Variants in NIPA2 observed in about 807,000 individuals in gnomAD.
NIPA2 encodes magnesium transporter NIPA2.
In NIPA2, 11 loss-of-function variants were observed where a neutral mutation model predicts 29.7. The observed-to-expected ratio is 0.37, with a 90% CI of 0.23 to 0.61. NIPA2 has a LOEUF of 0.61. Ranked by LOEUF, NIPA2 falls within the 20% of genes least tolerant of loss-of-function variation. The probability of loss-of-function intolerance (pLI) is 0.66; values close to 1 mark genes in which losing one functional copy is unlikely to be tolerated. For missense variants in NIPA2, 426 were observed against 437.9 expected (o/e 0.97, Z 0.24); for synonymous variants, 183 against 161.9 (o/e 1.13, Z -0.99).
At chr15:22,844,999 T>G (rs910760633) in intron 2 of NIPA2, 147 bp from the exon 3 acceptor site, 3 of 152,104 alleles carry the variant, frequency 2.0e-5, no homozygotes, top group African/African-American at 7.2e-5. Flanking sequence ...TACTCCCGAG[T>G]CCCCCTAAGT....
chr15:22,846,815 C>A (rs1898777937), intron 3 of NIPA2, among the ~76,000 whole-genome samples: 1 of 70,702 alleles, frequency 1.4e-5, no homozygotes, highest in South Asian at 5.8e-4. Flanking sequence ...GACCCTGTCT[C>A]CAAAATAATA....
intron 6 of NIPA2, among the ~76,000 whole-genome samples, chr15:22,859,095 A>G (rs2058421900): frequency 6.6e-6 from 1 of 152,034 alleles, no homozygotes; most frequent in African/African-American, 2.4e-5. Context: ...AATGGCTTGA[A>G]CGCAGGAAGA....
chr15:22,866,369 C>T lies in NIPA2; in HGVS notation c.605C>T (p.Ala202Val), dbSNP rs1287177542. 1 of 1,614,038 alleles carries T rather than the reference C, an allele frequency of 6.2e-7. No individual in the cohort carries two copies. The highest frequency in any genetic ancestry group is 8.5e-7 in the Non-Finnish European group (1 of 1,179,936). The part of the protein sequence containing the change: ...SVSCVKGLGI[A>V]IKELFAGKPV... ...TCCTGTGTGAAGGGCCTGGGCATTGCTATCAAGGAGCTGTTTGCAGGGAAG... is the reference window on the plus strand; with the variant it reads ...TCCTGTGTGAAGGGCCTGGGCATTGTTATCAAGGAGCTGTTTGCAGGGAAG... The change falls in exon 8 of 8, where the codon GCT becomes GTT. Residue 202 changes from alanine to valine, a missense_variant. Ala to Val is a moderately conservative substitution (Grantham distance 64). Around this residue, in one of 3 missense-constraint regions of NIPA2, gnomAD observed 357 missense variants for 339.8 expected, o/e 1.05. Transcript: ENST00000337451.
chr15:22,866,754 T>A lies in NIPA2; in HGVS notation c.990T>A (p.Val330=). 3 of 1,613,822 alleles carry A rather than the reference T, an allele frequency of 1.9e-6. No homozygotes were observed. The highest frequency in any genetic ancestry group is 2.5e-6 in the Non-Finnish European group (3 of 1,179,784). Reference sequence around the variant, plus strand: ...GCAATCTCTCTAATATGTATGAAGTTCTTAATAATAATGAAGAAAGCTTAA... The same window carrying A: ...GCAATCTCTCTAATATGTATGAAGTACTTAATAATAATGAAGAAAGCTTAA... ...MNGNLSNMYE[V]LNNNEESLTC... Residue 330 remains valine (V), a synonymous_variant, in exon 8 of 8, where the codon GTT becomes GTA. Transcript: ENST00000337451.
intron 7 of NIPA2, among the ~76,000 whole-genome samples, chr15:22,865,209 G>C (rs1386122596): frequency 6.6e-6 from 1 of 151,536 alleles, no homozygotes; most frequent in African/African-American, 2.4e-5. Flanking sequence ...TATTACTGCT[G>C]GGTGCGGTGG....
At chr15:22,841,783 A>G (rs1369188400) in intron 2 of NIPA2, among the ~76,000 whole-genome samples, 1 of 152,150 alleles carries the variant, frequency 6.6e-6, no homozygotes, top group Non-Finnish European at 1.5e-5. Context: ...CTGGGATTAT[A>G]GGCGTGAGCC....
At position 22,847,577 on chromosome 15, in the gene NIPA2, G is replaced by A. The variant is rs928168509; in HGVS notation, c.-94+2310G>A. Among the ~76,000 whole-genome samples the A allele has an allele frequency of 2.8e-4, 42 of 151,748 alleles. 1 individual carries two copies. The highest frequency in any genetic ancestry group is 8.7e-4 in the African/African-American group (36 of 41,278). Reference sequence around the variant, plus strand: ...CCTTCTGGCTTCAAGCAGTTCTCCTGCCTCAGCCTCCCAAGTAGCTATGAT... The same window carrying A: ...CCTTCTGGCTTCAAGCAGTTCTCCTACCTCAGCCTCCCAAGTAGCTATGAT... On this transcript the variant is annotated intron_variant, in intron 3 of 7. Coordinates refer to ENST00000337451, the MANE Select transcript of NIPA2 (RefSeq NM_030922.7).
Position 22,839,692 on chromosome 15 carries a change from A to T in NIPA2, c.-314A>T, listed in dbSNP as rs1896497118. On this transcript the variant is annotated 5_prime_UTR_variant, in exon 2 of 8. The change creates a premature stop within an existing upstream ORF in the 5' untranslated region. Transcript: ENST00000337451. Reference sequence around the variant, plus strand: ...CGGCCAGGGTTTAAGACTTTAAATGAGAATAAAGGGTGGTATTTACGAGGA... The same window carrying T: ...CGGCCAGGGTTTAAGACTTTAAATGTGAATAAAGGGTGGTATTTACGAGGA... 6.6e-6 allele frequency: 1 copy of T among 152,190 alleles called. No homozygotes were observed. Among genetic ancestry groups the T allele is most frequent in the African/African-American group, 2.4e-5 (1 of 41,436 alleles). The allele number at this position is 152,190 out of a possible 1,614,324, so 9.4% of individuals were successfully genotyped here.
At position 22,866,787 on chromosome 15, in the gene NIPA2, A is replaced by G. The variant is rs2059119499; in HGVS notation, c.1023A>G (p.Gly341=). 2 of 1,612,768 alleles carry G rather than the reference A, an allele frequency of 1.2e-6. No individual in the cohort carries two copies. Among genetic ancestry groups the G allele is most frequent in the Non-Finnish European group, 1.7e-6 (2 of 1,179,258 alleles). Residue 341 remains glycine, a synonymous_variant, in exon 8 of 8, where the codon GGA becomes GGG. Transcript: ENST00000337451. ...ATAATGAAGAAAGCTTAACCTGTGGAATCGAACAACACACTGGTGAAAATG... is the reference window on the plus strand; with the variant it reads ...ATAATGAAGAAAGCTTAACCTGTGGGATCGAACAACACACTGGTGAAAATG... ...LNNNEESLTC[G]IEQHTGENVS... is the part of the protein sequence containing the mutation.
rs1158498910 is a variant in NIPA2 at position 22,858,584 on chromosome 15, C to T, written c.241C>T (p.Pro81Ser). The change falls in exon 6 of 8, where the codon CCA (proline) becomes TCA (serine). Residue 81 changes from proline (P) to serine (S), a missense_variant. By Grantham distance (74) the Pro-to-Ser change is moderately conservative. Around this residue, in one of 3 missense-constraint regions of NIPA2, gnomAD observed 357 missense variants for 339.8 expected, o/e 1.05. Coordinates refer to ENST00000337451, the MANE Select transcript of NIPA2 (RefSeq NM_030922.7). ...VANFAAYAFA[P>S]ATLVTPLGAL... Reference sequence around the variant, plus strand: ...CAACTTCGCTGCGTATGCGTTTGCACCAGCCACTCTAGTGACTCCACTAGG... The same window carrying T: ...CAACTTCGCTGCGTATGCGTTTGCATCAGCCACTCTAGTGACTCCACTAGG... 3 of 1,609,166 alleles carry T rather than the reference C, an allele frequency of 1.9e-6. No individual in the cohort carries two copies. The highest frequency in any genetic ancestry group is 3.4e-5 in the Admixed American group (2 of 59,636).
At chr15:22,859,271 A>C (rs1251668861) in intron 6 of NIPA2, among the ~76,000 whole-genome samples, 1 of 151,588 alleles carries the variant, frequency 6.6e-6, no homozygotes, top group African/African-American at 2.4e-5. Flanking sequence ...TCTGGTTGGT[A>C]ATGAGTAGAT....
At chr15:22,855,309 C>T (rs552459290) in intron 5 of NIPA2, among the ~76,000 whole-genome samples, 94 of 151,752 alleles carry the variant, frequency 6.2e-4, no homozygotes, top group African/African-American at 2.2e-3. Flanking sequence ...CCCAGCTACT[C>T]GGGAGGCTGA....
intron 3 of NIPA2, among the ~76,000 whole-genome samples, chr15:22,845,602 G>C (rs1898401268): frequency 6.6e-6 from 1 of 152,166 alleles, no homozygotes; most frequent in South Asian, 2.1e-4. Flanking sequence ...AAATGCCTGT[G>C]GGCTGGAGTT....
intron 3 of NIPA2, among the ~76,000 whole-genome samples, chr15:22,847,801 A>G (rs189305599): frequency 6.7e-6 from 1 of 148,320 alleles, no homozygotes; most frequent in East Asian, 2.0e-4. Context: ...ATTTTATCTT[A>G]TTTTTATTTT....
chr15:22,840,283 A>G (rs1259401126), intron 2 of NIPA2, among the ~76,000 whole-genome samples: 6 of 146,924 alleles, frequency 4.1e-5, no homozygotes, highest in Admixed American at 3.5e-4. Flanking sequence ...TAAGAGCTCT[A>G]TATATAGTTT....
chr15:22,865,871 T>G (rs1249158593), intron 7 of NIPA2, among the ~76,000 whole-genome samples: 2 of 152,164 alleles, frequency 1.3e-5, no homozygotes, highest in African/African-American at 4.8e-5. Flanking sequence ...TGTTGAACAT[T>G]CAAGGCCACC....
intron 5 of NIPA2, among the ~76,000 whole-genome samples, chr15:22,858,182 A>G (rs981712917): frequency 2.6e-5 from 4 of 152,234 alleles, no homozygotes; most frequent in African/African-American, 9.6e-5. Flanking sequence ...TCACGAGGTC[A>G]GGAGATCAAG....
Position 22,866,358 on chromosome 15 carries a change from C to T in NIPA2, c.594C>T (p.Gly198=), listed in dbSNP as rs751678984. The T allele has an allele frequency of 1.2e-6, 2 of 1,614,060 alleles. No individual in the cohort carries two copies. The highest frequency in any genetic ancestry group is 1.1e-5 in the South Asian group (1 of 91,090). Residue 198 remains glycine (G), a synonymous_variant, in exon 8 of 8, where the codon GGC becomes GGT. Coordinates refer to ENST00000337451, the MANE Select transcript of NIPA2 (RefSeq NM_030922.7). ...IGAFSVSCVK[G]LGIAIKELFA... is the part of the protein sequence containing the mutation. ...CGTTTTCAGTCTCCTGTGTGAAGGG[C>T]CTGGGCATTGCTATCAAGGAGCTGT...
rs573090536 is a variant in NIPA2, at chr15:22,859,127, T to G, written c.287+497T>G. On this transcript the variant is annotated intron_variant, in intron 6 of 7. Transcript: ENST00000337451. ...AAGAGGAGGTTGCAATGACCCGAGA[T>G]AGCACCACTGCACTCCACCCTGGGC... Among the ~76,000 whole-genome samples the G allele has an allele frequency of 4.4e-4, 67 of 152,076 alleles. 1 individual carries two copies. In the East Asian group the frequency reaches 0.01, roughly 23 times the overall value.
Sources: gnomAD v4.1 joint callset for allele counts (sites outside exome capture counted in the v4.1 genomes callset) on GRCh38, gnomAD v4.1.1 for gene constraint, gnomAD v4.1.1 regional missense constraint, MANE v1.5 for transcripts, NCBI Gene and HGNC (gene_info 2026-07-23, HGNC 2026-07-21) for gene names.